DGKB: variants seen among roughly 807,000 people sequenced by gnomAD.
DGKB encodes the protein diacylglycerol kinase beta, also known as 90 kDa diacylglycerol kinase.
In DGKB, 67 loss-of-function variants were observed where a neutral mutation model predicts 114.3. That is an observed-to-expected ratio of 0.59 (90% CI 0.48 to 0.72). DGKB has a LOEUF of 0.72. Ranked by LOEUF, DGKB falls within the 30% of genes least tolerant of loss-of-function variation. The probability of loss-of-function intolerance (pLI) is 0.00; values close to 1 mark genes in which losing one functional copy is unlikely to be tolerated. For synonymous variants in DGKB, 398 were observed against 323.1 expected, an observed-to-expected ratio of 1.23 and a Z score of -2.49; for missense variants, 907 against 975.2, an observed-to-expected ratio of 0.93 and a Z score of 0.93.
intron 2 of DGKB, among the ~76,000 whole-genome samples, chr7:14,798,910 C>T (rs1023167428): frequency 6.6e-6 from 1 of 152,154 alleles, no homozygotes; most frequent in East Asian, 1.9e-4. Flanking sequence ...ACAATACTAC[C>T]GTCAATATCT....
chr7:14,277,272 G>A (rs1799165366), intron 23 of DGKB, among the ~76,000 whole-genome samples: 1 of 152,088 alleles, frequency 6.6e-6, no homozygotes, highest in Non-Finnish European at 1.5e-5. Flanking sequence ...CCAGGTTCAA[G>A]CGATTCTTGC....
intron 1 of DGKB, among the ~76,000 whole-genome samples, chr7:14,855,647 C>T (rs1278084020): frequency 6.6e-6 from 1 of 152,094 alleles, no homozygotes; most frequent in Non-Finnish European, 1.5e-5. Flanking sequence ...TAAGGAAAGT[C>T]TCAGTTATTG....
At chr7:14,581,445 T>G (rs1799918531) in intron 18 of DGKB, among the ~76,000 whole-genome samples, 1 of 152,200 alleles carries the variant, frequency 6.6e-6, no homozygotes, top group African/African-American at 2.4e-5. Context: ...CCTTGACTTT[T>G]TCCCACCCAT....
chr7:14,822,414 G>C (rs1410550238), intron 2 of DGKB, among the ~76,000 whole-genome samples: 1 of 152,086 alleles, frequency 6.6e-6, no homozygotes, highest in Non-Finnish European at 1.5e-5. Context: ...ATATAGGGTA[G>C]GAAAGAAGAA....
At chr7:14,272,652 T>C (rs1287447918) in intron 23 of DGKB, among the ~76,000 whole-genome samples, 1 of 152,190 alleles carries the variant, frequency 6.6e-6, no homozygotes, top group Non-Finnish European at 1.5e-5. Flanking sequence ...GCAGATGTCC[T>C]ACATGACTGA....
At chr7:14,793,034 A>G (rs993871583) in intron 2 of DGKB, among the ~76,000 whole-genome samples, 2 of 152,170 alleles carry the variant, frequency 1.3e-5, no homozygotes, top group African/African-American at 4.8e-5. Context: ...GTCTGAGGCA[A>G]AATCACCAAA....
intron 1 of DGKB, among the ~76,000 whole-genome samples, chr7:14,851,276 G>T (rs952203517): frequency 2.0e-5 from 3 of 152,140 alleles, no homozygotes; most frequent in African/African-American, 7.2e-5. Flanking sequence ...TGATGCAAAA[G>T]AGGAAAATAT....
chr7:14,369,276 T>A lies in DGKB; in HGVS notation c.1836-23885A>T, dbSNP rs975138379. On this transcript the variant is annotated intron_variant, in intron 21 of 25. Transcript: ENST00000402815. ...CATCCTTTTTCGTGGCTGCATAGTA[T>A]TCCATGGTGTATATGGGCCATATTT... Among the ~76,000 whole-genome samples, 9 of 152,186 alleles carry A rather than the reference T, an allele frequency of 5.9e-5. 1 individual carries two copies. The highest frequency in any genetic ancestry group is 5.9e-4 in the Admixed American group (9 of 15,262).
At chr7:14,691,658 A>C (rs1269405308) in intron 9 of DGKB, among the ~76,000 whole-genome samples, 1 of 152,210 alleles carries the variant, frequency 6.6e-6, no homozygotes, top group Non-Finnish European at 1.5e-5. Flanking sequence ...TTTTATTAAA[A>C]GACAGCTTAA....
chr7:14,581,109 G>A (rs972756740), intron 18 of DGKB, among the ~76,000 whole-genome samples, 158 bp from the exon 19 acceptor site: 2 of 152,136 alleles, frequency 1.3e-5, no homozygotes, highest in African/African-American at 4.8e-5. Context: ...AATGAATTAT[G>A]GATAATTTGT....
intron 20 of DGKB, among the ~76,000 whole-genome samples, chr7:14,478,760 C>T (rs1258958233): frequency 2.0e-5 from 3 of 151,402 alleles, no homozygotes; most frequent in Non-Finnish European, 4.4e-5. Flanking sequence ...TAATTAATAA[C>T]AGTTTGGACC....
chr7:14,947,597 A>C (rs1362337282), intron 1 of DGKB, among the ~76,000 whole-genome samples: 1 of 135,374 alleles, frequency 7.4e-6, no homozygotes, highest in East Asian at 3.1e-4. Context: ...CCTCATATAG[A>C]TATATGAAGA....
chr7:14,641,397 C>A (rs966907008), intron 13 of DGKB, among the ~76,000 whole-genome samples: 1 of 151,764 alleles, frequency 6.6e-6, no homozygotes, highest in Admixed American at 6.6e-5. Context: ...TTATTATGAT[C>A]CTTATCTTTA....
chr7:14,463,322 C>A (rs1833367002), intron 21 of DGKB, among the ~76,000 whole-genome samples: 1 of 152,066 alleles, frequency 6.6e-6, no homozygotes, highest in South Asian at 2.1e-4. Flanking sequence ...CAGCAAACTA[C>A]CGTGGCACAT....
intron 24 of DGKB, among the ~76,000 whole-genome samples, chr7:14,177,295 A>G (rs901956220): frequency 2.0e-5 from 3 of 152,052 alleles, no homozygotes; most frequent in Non-Finnish European, 2.9e-5. Context: ...AATAACATCA[A>G]TTATTCCTGT....
At chr7:14,279,299 G>C (rs573401031) in intron 23 of DGKB, among the ~76,000 whole-genome samples, 2 of 152,118 alleles carry the variant, frequency 1.3e-5, no homozygotes, top group Admixed American at 6.5e-5. Context: ...GCAGCCAGGC[G>C]GGGGGAGGGG....
At chr7:14,532,368 T>C (rs558849954) in intron 20 of DGKB, among the ~76,000 whole-genome samples, 25 of 151,528 alleles carry the variant, frequency 1.6e-4, no homozygotes, top group Admixed American at 1.5e-3. Flanking sequence ...AAACAAGATC[T>C]AACTATACAT....
chr7:14,539,829 T>C (rs1227538686), intron 20 of DGKB, among the ~76,000 whole-genome samples: 1 of 152,138 alleles, frequency 6.6e-6, no homozygotes, highest in Non-Finnish European at 1.5e-5. Flanking sequence ...TCATAGTATG[T>C]GGACTGACTT....
chr7:14,839,709 A>C (rs1245066505), intron 2 of DGKB, among the ~76,000 whole-genome samples: 1 of 152,112 alleles, frequency 6.6e-6, no homozygotes, highest in African/African-American at 2.4e-5. Context: ...TATATTGTAC[A>C]TTCAGAGGCT....
Sources: allele counts gnomAD v4.1 joint callset (sites outside exome capture counted in the v4.1 genomes callset), GRCh38; gene constraint gnomAD v4.1.1; transcripts MANE v1.5; gene names NCBI Gene and HGNC (gene_info 2026-07-23, HGNC 2026-07-21).